HYCC1: variants seen among roughly 807,000 people sequenced by gnomAD.
HYCC1 encodes the protein hyccin PI4KA lipid kinase complex subunit 1.
At chr7:23,001,034 T>C in the HYCC1 span, among the ~76,000 whole-genome samples, 1 of 152,078 alleles carries the variant, frequency 6.6e-6, no homozygotes, top group Non-Finnish European at 1.5e-5. Flanking sequence ...TATTTGACCA[T>C]GGGATCCTTT....
chr7:23,011,816 T>C, the HYCC1 span, among the ~76,000 whole-genome samples: 1 of 152,214 alleles, frequency 6.6e-6, no homozygotes. Flanking sequence ...TATATCCTCC[T>C]CTTGGGAAGT....
chr7:22,915,157 A>G, the HYCC1 span, among the ~76,000 whole-genome samples: 1 of 152,200 alleles, frequency 6.6e-6, no homozygotes, highest in Non-Finnish European at 1.5e-5. Context: ...TTATTACCCA[A>G]TCCACTCCCA....
the HYCC1 span, among the ~76,000 whole-genome samples, chr7:23,009,704 T>C: frequency 2.9e-3 from 435 of 152,210 alleles, 11 homozygotes; most frequent in Admixed American, 0.028. Flanking sequence ...TTTCTCAAGA[T>C]AGAAAATGTG....
the HYCC1 span, chr7:22,985,478 G>C: frequency 6.6e-6 from 1 of 152,002 alleles, no homozygotes; most frequent in African/African-American, 2.4e-5. Flanking sequence ...TTAAAAGTGG[G>C]TCATATTTCA....
At chr7:22,941,882 T>C in the HYCC1 span, 2 of 152,180 alleles carry the variant, frequency 1.3e-5, no homozygotes, top group African/African-American at 4.8e-5. Context: ...GAGGACACTA[T>C]TATACATTAA....
chr7:22,929,237 C>A, the HYCC1 span, among the ~76,000 whole-genome samples: 1,013 of 152,214 alleles, frequency 6.7e-3, 17 homozygotes, highest in African/African-American at 0.024. Flanking sequence ...CCACAAAAAC[C>A]CTCGAAGAAA....
At chr7:22,976,776 CTCAG>C in the HYCC1 span, 1 of 1,613,198 alleles carries the variant, frequency 6.2e-7, no homozygotes, top group Non-Finnish European at 8.5e-7. Context: ...ATAGTGCACT[CTCAG>C]TCAGAGCCAT....
At chr7:22,963,039 A>T in the HYCC1 span, among the ~76,000 whole-genome samples, 1 of 152,168 alleles carries the variant, frequency 6.6e-6, no homozygotes. Context: ...ATCCTAGGTC[A>T]CTTCTGCCTA....
the HYCC1 span, chr7:22,960,225 G>T: frequency 1.2e-6 from 2 of 1,600,266 alleles, no homozygotes; most frequent in South Asian, 2.2e-5. Flanking sequence ...AATCAACAAT[G>T]GTTTGACTTG....
the HYCC1 span, among the ~76,000 whole-genome samples, chr7:22,998,055 T>C: frequency 6.6e-6 from 1 of 152,174 alleles, no homozygotes; most frequent in Non-Finnish European, 1.5e-5. Context: ...AGATCCTCCA[T>C]GACTTCAGAC....
At chr7:23,002,850 A>G in the HYCC1 span, among the ~76,000 whole-genome samples, 1 of 152,188 alleles carries the variant, frequency 6.6e-6, no homozygotes. Context: ...CTAGGAGTCT[A>G]AGATCAAGAT....
the HYCC1 span, chr7:22,947,061 C>T: frequency 2.1e-4 from 333 of 1,550,364 alleles, 1 homozygote; most frequent in African/African-American, 4.1e-3. Flanking sequence ...CTCTGGCAAG[C>T]CTTTGCTCTC....
chr7:22,996,166 G>A, the HYCC1 span, among the ~76,000 whole-genome samples: 13 of 151,978 alleles, frequency 8.6e-5, no homozygotes, highest in Admixed American at 2.6e-4. Context: ...GGTGGCATGT[G>A]CAGGTGATCC....
the HYCC1 span, among the ~76,000 whole-genome samples, chr7:22,898,684 C>T: frequency 6.6e-6 from 1 of 150,662 alleles, no homozygotes; most frequent in Non-Finnish European, 1.5e-5. Flanking sequence ...CTCACTGCAA[C>T]CTCCACCTCC....
At chr7:22,998,448 T>A in the HYCC1 span, among the ~76,000 whole-genome samples, 1 of 152,138 alleles carries the variant, frequency 6.6e-6, no homozygotes, top group African/African-American at 2.4e-5. Flanking sequence ...ACATAGCACA[T>A]GACTCAGTGG....
At chr7:22,945,920 C>G in the HYCC1 span, 15 of 1,613,888 alleles carry the variant, frequency 9.3e-6, no homozygotes, top group South Asian at 1.2e-4. Context: ...ACTTTGGGCT[C>G]TCTGAGTTTG....
chr7:22,978,889 C>T, the HYCC1 span, among the ~76,000 whole-genome samples: 63 of 152,258 alleles, frequency 4.1e-4, no homozygotes, highest in Non-Finnish European at 3.2e-4. Flanking sequence ...TCCTCTCCCA[C>T]CACACTCTCA....
At chr7:22,924,613 A>C in the HYCC1 span, among the ~76,000 whole-genome samples, 1 of 152,232 alleles carries the variant, frequency 6.6e-6, no homozygotes, top group Non-Finnish European at 1.5e-5. Context: ...ATCAAACTGC[A>C]AGGCGGCAGC....
chr7:22,998,088 G>C, the HYCC1 span, among the ~76,000 whole-genome samples: 1 of 152,274 alleles, frequency 6.6e-6, no homozygotes, highest in Admixed American at 6.5e-5. Flanking sequence ...GTTCAAGGTG[G>C]TATGGTCATA....
Sources: allele counts gnomAD v4.1 joint callset (sites outside exome capture counted in the v4.1 genomes callset), GRCh38; gene constraint gnomAD v4.1.1; transcripts MANE v1.5; gene names NCBI Gene and HGNC (gene_info 2026-07-23, HGNC 2026-07-21).